RAD54L2: variants seen among roughly 807,000 people sequenced by gnomAD.
RAD54L2 encodes helicase ARIP4.
RAD54L2 carries 27 observed loss-of-function variants against 138.4 expected under a neutral mutation model. That is an observed-to-expected ratio of 0.20 (90% CI 0.14 to 0.27). RAD54L2 has a LOEUF of 0.27. Ranked by LOEUF, RAD54L2 falls within the 10% of genes least tolerant of loss-of-function variation. The pLI is 1.00. For synonymous variants in RAD54L2, 644 were observed against 723.2 expected, an observed-to-expected ratio of 0.89 and a Z score of 1.76; for missense variants, 1,396 against 1,890.2, an observed-to-expected ratio of 0.74 and a Z score of 4.85.
chr3:51,634,924 T>C (rs1443687627), intron 9 of RAD54L2, among the ~76,000 whole-genome samples: 1 of 152,224 alleles, frequency 6.6e-6, no homozygotes, highest in Non-Finnish European at 1.5e-5. Context: ...ACCTTTCCCC[T>C]CATTGGTGTG....
At chr3:51,631,681 C>G (rs1700847296) in intron 7 of RAD54L2, among the ~76,000 whole-genome samples, 1 of 151,898 alleles carries the variant, frequency 6.6e-6, no homozygotes, top group African/African-American at 2.4e-5. Context: ...CTTGCTCTGT[C>G]GCCCAGGCTG....
intron 3 of RAD54L2, among the ~76,000 whole-genome samples, chr3:51,606,591 C>G (rs901684167): frequency 6.6e-6 from 1 of 152,060 alleles, no homozygotes; most frequent in Admixed American, 6.6e-5. Flanking sequence ...TCAGGAAGCA[C>G]CATTACAGCG....
intron 3 of RAD54L2, among the ~76,000 whole-genome samples, chr3:51,620,407 C>CTTT (rs60585256): frequency 7.3e-5 from 6 of 82,554 alleles, no homozygotes; most frequent in South Asian, 4.1e-4. Context: ...TCCTACTGGT[C>CTTT]TTTTTTTTTT....
intron 2 of RAD54L2, among the ~76,000 whole-genome samples, chr3:51,546,613 C>T (rs1698702259): frequency 6.6e-6 from 1 of 151,802 alleles, no homozygotes; most frequent in Non-Finnish European, 1.5e-5. Flanking sequence ...GCACTCCAGC[C>T]CAGGCAACAA....
At chr3:51,653,544 A>G (rs1221725353) in intron 19 of RAD54L2, among the ~76,000 whole-genome samples, 1 of 152,374 alleles carries the variant, frequency 6.6e-6, no homozygotes, top group African/African-American at 2.4e-5. Context: ...ATGTCCATCA[A>G]TGATAGACTG....
intron 2 of RAD54L2, among the ~76,000 whole-genome samples, chr3:51,570,663 G>T (rs1226018549): frequency 6.6e-6 from 1 of 151,180 alleles, no homozygotes; most frequent in East Asian, 2.0e-4. Flanking sequence ...CACCATGTTG[G>T]CCAGGATGGT....
At chr3:51,540,967 G>A (rs1034687794) in intron 1 of RAD54L2, among the ~76,000 whole-genome samples, 4 of 150,792 alleles carry the variant, frequency 2.7e-5, no homozygotes, top group Non-Finnish European at 5.9e-5. Flanking sequence ...CTTGAATCTG[G>A]GAGGCAGAGG....
chr3:51,571,568 A>G (rs1241398241), intron 2 of RAD54L2, among the ~76,000 whole-genome samples: 2 of 151,948 alleles, frequency 1.3e-5, no homozygotes, highest in South Asian at 2.1e-4. Flanking sequence ...GGATTTCACT[A>G]TGTTGACCGG....
At chr3:51,650,482 C>T (rs1200212319) in intron 19 of RAD54L2, among the ~76,000 whole-genome samples, 1 of 152,232 alleles carries the variant, frequency 6.6e-6, no homozygotes, top group Non-Finnish European at 1.5e-5. Context: ...ATAGAATACA[C>T]ATTCTTCTCA....
At position 51,666,179 on chromosome 3, in the gene RAD54L2, T is replaced by C; in HGVS notation, c.*2759T>C. 1.4e-5 allele frequency: 1 copy of C among 70,514 alleles called. No homozygotes were observed. The highest frequency in any genetic ancestry group is 4.9e-4 in the East Asian group (1 of 2,042). The allele number at this position is 70,514 out of a possible 1,614,324, so 4.4% of individuals were successfully genotyped here. Reference sequence around the variant, plus strand: ...TACCAGGTCCATGGTTTTTGCTTTTTTTTTTTTTTTTTTTTTTTTTTTTTT... The same window carrying C: ...TACCAGGTCCATGGTTTTTGCTTTTCTTTTTTTTTTTTTTTTTTTTTTTTT... On this transcript the variant is annotated 3_prime_UTR_variant, in exon 23 of 23. Coordinates refer to ENST00000684192, the MANE Select transcript of RAD54L2 (RefSeq NM_015106.4).
chr3:51,656,436 C>T (rs990434024), intron 20 of RAD54L2, among the ~76,000 whole-genome samples: 2 of 152,128 alleles, frequency 1.3e-5, no homozygotes, highest in African/African-American at 4.8e-5. Flanking sequence ...GGAAATGTCA[C>T]TGGAATACAG....
chr3:51,630,215 A>G lies in RAD54L2; in HGVS notation c.482-57A>G, dbSNP rs540601273. ...AAGGGGTGGTGAATTGTTTTGGGAA[A>G]TATGTTAGAGCCAAATGTGGTCTTG... On this transcript the variant is annotated intron_variant, in intron 5 of 22. Coordinates refer to ENST00000684192, the MANE Select transcript of RAD54L2 (RefSeq NM_015106.4). The G allele has an allele frequency of 6.6e-5, 91 of 1,375,170 alleles. No homozygotes were observed. In the Admixed American group the frequency reaches 9.1e-4, roughly 14 times the overall value. The allele number at this position is 1,375,170 out of a possible 1,614,324, so 85.2% of individuals were successfully genotyped here. A position where few individuals can be genotyped will look rare whatever the true frequency, so the allele number is the denominator to read the frequency against.
At chr3:51,557,180 C>CTTT (rs58428110) in intron 2 of RAD54L2, among the ~76,000 whole-genome samples, 1 of 113,356 alleles carries the variant, frequency 8.8e-6, no homozygotes, top group Admixed American at 1.0e-4. Context: ...TTGTTGTTGG[C>CTTT]TTTTTTTTTT....
chr3:51,607,140 GGGTGTTTCTC>G (rs1023057772), intron 3 of RAD54L2, among the ~76,000 whole-genome samples: 2 of 125,604 alleles, frequency 1.6e-5, no homozygotes, highest in Non-Finnish European at 3.4e-5. Flanking sequence ...GATCATTCTT[GGGTGTTTCTC>G]GGAGAGGGGG....
At position 51,663,248 on chromosome 3, in the gene RAD54L2, G is replaced by A. The variant is rs771221945; in HGVS notation, c.4232G>A (p.Arg1411Gln). The A allele has an allele frequency of 8.7e-6, 14 of 1,613,756 alleles. No homozygotes were observed. The highest frequency in any genetic ancestry group is 3.3e-4 in the Middle Eastern group (2 of 6,084). ...CCTGTCTTGCCCAGCAACCTTTCGC[G>A]GGGCATGTCTATCTATCCAGGCTAC... ...PSPVLPSNLS[R>Q]GMSIYPGYMS... Residue 1411 changes from arginine (R) to glutamine (Q), a missense_variant, in exon 23 of 23, where the codon CGG becomes CAG. Arg to Gln is a conservative substitution (Grantham distance 43). Around this residue, in one of 7 missense-constraint regions of RAD54L2, gnomAD observed 634 missense variants for 711.2 expected, o/e 0.89. Transcript: ENST00000684192.
chr3:51,600,982 A>G (rs999526050), intron 3 of RAD54L2, among the ~76,000 whole-genome samples: 5 of 152,030 alleles, frequency 3.3e-5, no homozygotes, highest in African/African-American at 1.2e-4. Context: ...CAAAAACAAA[A>G]ACAAAACCCA....
chr3:51,592,340 A>T (rs1699857617), intron 3 of RAD54L2, among the ~76,000 whole-genome samples: 1 of 152,048 alleles, frequency 6.6e-6, no homozygotes, highest in South Asian at 2.1e-4. Flanking sequence ...TGGGGATTAC[A>T]GGGGTGAGCC....
intron 2 of RAD54L2, among the ~76,000 whole-genome samples, chr3:51,547,021 T>A (rs1389685721): frequency 1.3e-5 from 2 of 151,652 alleles, no homozygotes; most frequent in African/African-American, 4.8e-5. Context: ...AGAGTGAAAC[T>A]TGACTCTGTC....
chr3:51,662,439 T>A lies in RAD54L2; in HGVS notation c.3423T>A (p.Pro1141=). Residue 1141 remains proline, a synonymous_variant, in exon 23 of 23, where the codon CCT becomes CCA. Transcript: ENST00000684192. This position sits in a 1 kb window ranked among gnomAD's most constrained non-coding sequence, Gnocchi z 4.6. ...TTTTGTCCCCAGGTTCCCAGGGACC[T>A]TCTTGCGAGTCCACAAGCAACGGCA... The part of the protein sequence containing the change: ...GRMAASGSQG[P]SCESTSNGRH... 1 of 1,526,908 alleles carries A rather than the reference T, an allele frequency of 6.5e-7. No homozygotes were observed. The highest frequency in any genetic ancestry group is 8.8e-7 in the Non-Finnish European group (1 of 1,135,806). The allele number at this position is 1,526,908 out of a possible 1,614,324, so 94.6% of individuals were successfully genotyped here.
Sources: allele counts gnomAD v4.1 joint callset (sites outside exome capture counted in the v4.1 genomes callset), GRCh38; gene constraint gnomAD v4.1.1; regional missense constraint gnomAD v4.1.1; non-coding constraint Gnocchi (gnomAD v3.1); transcripts MANE v1.5; gene names NCBI Gene and HGNC (gene_info 2026-07-23, HGNC 2026-07-21).